The following SORCS2 variants were observed in gnomAD, a reference collection of about 807,000 sequenced individuals.
SORCS2 encodes the protein sortilin related VPS10 domain containing receptor 2, also known as VPS10 domain-containing receptor SorCS2.
Under a neutral mutation model 141.6 loss-of-function variants are expected in SORCS2, and 100 were observed. The observed-to-expected ratio is 0.71, with a 90% confidence interval of 0.60 to 0.83. The LOEUF (loss-of-function observed/expected upper bound fraction) is 0.83, where lower values mean the gene tolerates loss of function less well. SORCS2 is among the 40% of genes least tolerant of loss of function. SORCS2 has a pLI of 0.00. For missense variants in SORCS2, 1,646 were observed against 1,560.2 expected (o/e 1.05, Z -0.93); for synonymous variants, 789 against 676.9 (o/e 1.17, Z -2.57).
chr4:7,712,029 G>T (rs576972175), intron 14 of SORCS2, among the ~76,000 whole-genome samples: 1 of 152,094 alleles, frequency 6.6e-6, no homozygotes, highest in Non-Finnish European at 1.5e-5. Context: ...GTGTGCTTGG[G>T]GTTCAGGATG....
intron 1 of SORCS2, among the ~76,000 whole-genome samples, chr4:7,328,762 T>C (rs1301522315): frequency 6.6e-6 from 1 of 152,174 alleles, no homozygotes; most frequent in African/African-American, 2.4e-5. Flanking sequence ...GTCTTGCCAC[T>C]CACCCAGTCT....
At chr4:7,415,316 G>C (rs2109167999) in intron 2 of SORCS2, among the ~76,000 whole-genome samples, 1 of 152,300 alleles carries the variant, frequency 6.6e-6, no homozygotes, top group East Asian at 1.9e-4. Flanking sequence ...TCTCTCCCAG[G>C]GCTCTAGGAA....
At chr4:7,251,935 A>G (rs1281888103) in intron 1 of SORCS2, among the ~76,000 whole-genome samples, 1 of 152,114 alleles carries the variant, frequency 6.6e-6, no homozygotes, top group African/African-American at 2.4e-5. Context: ...GGCATCCCAC[A>G]TTCTGGGGGC....
intron 2 of SORCS2, among the ~76,000 whole-genome samples, chr4:7,526,766 A>T (rs1407154734): frequency 6.6e-6 from 1 of 152,100 alleles, no homozygotes; most frequent in Admixed American, 6.6e-5. Flanking sequence ...GTGTATGGGG[A>T]TGCTCTCATT....
chr4:7,250,570 G>A (rs1047359000), intron 1 of SORCS2, among the ~76,000 whole-genome samples: 1 of 152,230 alleles, frequency 6.6e-6, no homozygotes, highest in Non-Finnish European at 1.5e-5. Flanking sequence ...CGTTCCCAGC[G>A]TCCCGTGATA....
intron 1 of SORCS2, among the ~76,000 whole-genome samples, chr4:7,341,730 C>A: frequency 6.6e-6 from 1 of 152,208 alleles, no homozygotes. Context: ...TACAATCGAT[C>A]ATTTTGAAGT....
chr4:7,309,853 AG>A (rs1249644508), intron 1 of SORCS2, among the ~76,000 whole-genome samples: 5 of 152,090 alleles, frequency 3.3e-5, no homozygotes, highest in Admixed American at 3.3e-4. Context: ...TGTGGTCGCC[AG>A]GCCTTGGTAG....
chr4:7,690,414 G>A (rs1724159790), intron 11 of SORCS2, among the ~76,000 whole-genome samples: 1 of 151,042 alleles, frequency 6.6e-6, no homozygotes, highest in Non-Finnish European at 1.5e-5. Context: ...ATGGATGGAT[G>A]ATGGTGGGTG....
chr4:7,602,965 C>T (rs1020782204), intron 3 of SORCS2, among the ~76,000 whole-genome samples: 4 of 152,196 alleles, frequency 2.6e-5, no homozygotes, highest in South Asian at 2.1e-4. Flanking sequence ...GAGACCAGCC[C>T]GACCAACATG....
intron 4 of SORCS2, among the ~76,000 whole-genome samples, chr4:7,646,588 C>T (rs1357878162): frequency 6.6e-6 from 1 of 152,038 alleles, no homozygotes; most frequent in Non-Finnish European, 1.5e-5. Context: ...TATGATTGCA[C>T]CACTGCATTC....
chr4:7,479,213 C>T (rs867574706), intron 2 of SORCS2, among the ~76,000 whole-genome samples: 3 of 151,574 alleles, frequency 2.0e-5, no homozygotes, highest in Non-Finnish European at 2.9e-5. Flanking sequence ...CTTCTCTGGG[C>T]GAGGGTATGT....
chr4:7,458,778 C>A (rs543569041), intron 2 of SORCS2, among the ~76,000 whole-genome samples: 1 of 151,854 alleles, frequency 6.6e-6, no homozygotes, highest in African/African-American at 2.4e-5. Flanking sequence ...AAGGGGGTCC[C>A]GGGCACCATA....
intron 2 of SORCS2, among the ~76,000 whole-genome samples, chr4:7,460,402 G>A (rs1302165863): frequency 6.6e-6 from 1 of 152,218 alleles, no homozygotes. Flanking sequence ...GACATTCGGG[G>A]TGCCAGACTC....
chr4:7,251,367 T>G (rs1345379360), intron 1 of SORCS2, among the ~76,000 whole-genome samples: 1 of 152,188 alleles, frequency 6.6e-6, no homozygotes, highest in Non-Finnish European at 1.5e-5. Flanking sequence ...CAAATATACA[T>G]ACGAATATTC....
At chr4:7,254,550 A>C (rs996002145) in intron 1 of SORCS2, among the ~76,000 whole-genome samples, 5 of 152,220 alleles carry the variant, frequency 3.3e-5, no homozygotes, top group Non-Finnish European at 4.4e-5. Flanking sequence ...CAAGTTGGTC[A>C]ATGGGTATAA....
At chr4:7,466,057 C>T (rs1033282134) in intron 2 of SORCS2, among the ~76,000 whole-genome samples, 1 of 152,224 alleles carries the variant, frequency 6.6e-6, no homozygotes, top group Non-Finnish European at 1.5e-5. Flanking sequence ...TATTGCTATC[C>T]ACATCATGGG....
chr4:7,302,307 A>G (rs1717485797), intron 1 of SORCS2, among the ~76,000 whole-genome samples: 1 of 152,212 alleles, frequency 6.6e-6, no homozygotes, highest in Non-Finnish European at 1.5e-5. Context: ...GAGAAATGAC[A>G]GGTAAGTGAC....
At chr4:7,714,172 C>A (rs373684063) in intron 15 of SORCS2, 68 bp from the exon 16 acceptor site, 11 of 1,533,176 alleles carry the variant, frequency 7.2e-6, no homozygotes, top group Non-Finnish European at 9.7e-6. Context: ...GCAGCCTCAG[C>A]GGCACAAGGC....
chr4:7,218,477 T>C (rs775414873), intron 1 of SORCS2, among the ~76,000 whole-genome samples: 31 of 152,242 alleles, frequency 2.0e-4, no homozygotes, highest in Non-Finnish European at 7.3e-5. Flanking sequence ...ATATTAATTA[T>C]AGATATTGGC....
Sources: gnomAD v4.1 joint callset for allele counts (sites outside exome capture counted in the v4.1 genomes callset) on GRCh38, gnomAD v4.1.1 for gene constraint, MANE v1.5 for transcripts, NCBI Gene and HGNC (gene_info 2026-07-23, HGNC 2026-07-21) for gene names.